The following SMG1 variants were observed in gnomAD, a reference collection of about 807,000 sequenced individuals.
SMG1 encodes SMG1 nonsense mediated mRNA decay associated PI3K related kinase.
In SMG1, 22 loss-of-function variants were observed where a neutral mutation model predicts 419.9. That is an observed-to-expected ratio of 0.05 (90% CI 0.04 to 0.07). SMG1 has a LOEUF of 0.07. Among genes scored for constraint, SMG1 ranks in the 10% least tolerant of loss-of-function variants. SMG1 has a pLI of 1.00. For missense variants in SMG1, 3,185 were observed against 4,342.0 expected, an observed-to-expected ratio of 0.73 and a Z score of 7.49; for synonymous variants, 1,538 against 1,553.5, an observed-to-expected ratio of 0.99 and a Z score of 0.23.
At chr16:18,885,434 T>C in intron 7 of SMG1, 107 bp downstream of exon 7, 1 of 1,374,130 alleles carries the variant, frequency 7.3e-7, no homozygotes, top group Non-Finnish European at 1.0e-6. Flanking sequence ...TATCACTGAT[T>C]ATATTCAAAG....
At chr16:18,911,217 A>G (rs1046696319) in intron 1 of SMG1, 21 of 151,886 alleles carry the variant, frequency 1.4e-4, no homozygotes, top group African/African-American at 4.9e-4. Flanking sequence ...GAAAATGTAG[A>G]AGGAGGGCAG....
chr16:18,881,329 A>C (rs1446626336), intron 10 of SMG1, among the ~76,000 whole-genome samples: 1 of 151,972 alleles, frequency 6.6e-6, no homozygotes, highest in Non-Finnish European at 1.5e-5. Context: ...AAAGATATTA[A>C]ACCATTTTGA....
chr16:18,812,543 A>C (rs887422039), intron 60 of SMG1, among the ~76,000 whole-genome samples: 1 of 151,574 alleles, frequency 6.6e-6, no homozygotes, highest in African/African-American at 2.4e-5. Context: ...AATCTTTGTG[A>C]ACTATTTTAT....
chr16:18,892,617 C>T (rs2036933962), intron 3 of SMG1, among the ~76,000 whole-genome samples: 1 of 152,062 alleles, frequency 6.6e-6, no homozygotes, highest in Non-Finnish European at 1.5e-5. Flanking sequence ...CCTGTAGTCC[C>T]AGCTACTCGG....
intron 55 of SMG1, among the ~76,000 whole-genome samples, chr16:18,821,222 T>TACTCCTGGTTCAAAATA (rs1567322096): frequency 2.0e-5 from 1 of 51,042 alleles, no homozygotes; most frequent in Non-Finnish European, 3.5e-5. Context: ...AGTATGTTTC[T>TACTCCTGGTTCAAAATA]TTTTTTTTTT....
At chr16:18,871,676 C>T (rs554253557) in intron 15 of SMG1, among the ~76,000 whole-genome samples, 194 bp from the exon 16 acceptor site, 60 of 152,208 alleles carry the variant, frequency 3.9e-4, no homozygotes, top group Non-Finnish European at 6.5e-4. Flanking sequence ...AACCTCCCAA[C>T]GCAGCATGAT....
intron 5 of SMG1, among the ~76,000 whole-genome samples, chr16:18,890,248 A>T (rs2036817669): frequency 6.6e-6 from 1 of 152,244 alleles, no homozygotes; most frequent in African/African-American, 2.4e-5. Context: ...TCTAGTTTAC[A>T]AAAACTAATT....
At chr16:18,815,102 T>C in intron 60 of SMG1, 73 bp downstream of exon 60, 2 of 929,350 alleles carry the variant, frequency 2.2e-6, no homozygotes, top group Non-Finnish European at 3.4e-6. Flanking sequence ...ATTAGACAGT[T>C]ATGTATAATT....
Position 18,836,475 on chromosome 16 carries a change from C to T in SMG1, c.7662G>A (p.Gln2554=). Residue 2554 remains glutamine (Q), a synonymous_variant, in exon 47 of 63, where the codon CAG becomes CAA. Coordinates refer to ENST00000446231, the MANE Select transcript of SMG1 (RefSeq NM_015092.5). Reference sequence around the variant, plus strand: ...ATTGTTCAAATTCATTCAGCTTCACCTGGATTGCTTCCTGAACAGCTCTTT... The same window carrying T: ...ATTGTTCAAATTCATTCAGCTTCACTTGGATTGCTTCCTGAACAGCTCTTT... ...TQQRAVQEAI[Q]VKLNEFEQWI... 3 of 1,614,042 alleles carry T rather than the reference C, an allele frequency of 1.9e-6. No individual in the cohort carries two copies. Among genetic ancestry groups the T allele is most frequent in the Non-Finnish European group, 1.7e-6 (2 of 1,179,902 alleles).
intron 41 of SMG1, 97 bp downstream of exon 41, chr16:18,841,468 C>A: frequency 1.3e-5 from 13 of 965,972 alleles, no homozygotes; most frequent in Non-Finnish European, 1.6e-5. Flanking sequence ...CCTTCTTTAA[C>A]TGCTTATAAA....
intron 1 of SMG1, among the ~76,000 whole-genome samples, chr16:18,905,607 TTCA>T (rs201095402): frequency 0.014 from 1,900 of 132,860 alleles, 50 homozygotes; most frequent in African/African-American, 0.046. Context: ...CTCCTCCTTC[TTCA>T]TTTCATTTTT....
intron 22 of SMG1, among the ~76,000 whole-genome samples, 191 bp from the exon 23 acceptor site, chr16:18,866,966 A>G (rs2141551870): frequency 6.6e-6 from 1 of 152,352 alleles, no homozygotes; most frequent in African/African-American, 2.4e-5. Flanking sequence ...GGTGACTAAC[A>G]GAACCTTAGC....
At chr16:18,882,047 C>T (rs2036422535) in intron 10 of SMG1, 118 bp downstream of exon 10, 4 of 639,876 alleles carry the variant, frequency 6.3e-6, no homozygotes, top group East Asian at 2.9e-5. Flanking sequence ...TATATACATA[C>T]ATACATACAT....
rs2032999387 is a variant in SMG1 at position 18,829,325 on chromosome 16, T to G, written c.9564A>C (p.Thr3188=). Residue 3188 remains threonine, a synonymous_variant, in exon 54 of 63, where the codon ACA becomes ACC. Transcript: ENST00000446231. ...TATGCAGCTGAACCCGCTGCAGGCT[T>G]GTCTTACAAGAAGAAATACTGGTTT... The part of the protein sequence containing the change: ...RLETSISSCK[T]SLQRVQLHIA... The G allele has an allele frequency of 6.2e-7, 1 of 1,613,920 alleles. No individual in the cohort carries two copies. The highest frequency in any genetic ancestry group is 8.5e-7 in the Non-Finnish European group (1 of 1,179,830).
rs1258778685 is a variant in SMG1, at chr16:18,839,830, G to A, written c.6813C>T (p.Ser2271=). The change falls in exon 42 of 63, where the codon TCC becomes TCT. Residue 2271 remains serine (S), a synonymous_variant. Coordinates refer to ENST00000446231, the MANE Select transcript of SMG1 (RefSeq NM_015092.5). The stretch of plus-strand genomic sequence containing the variant: ...TTACATGAAGAGGCCAATCCCGACG[G>A]GACACATCCAGGCTAAGCCCAACTG... The part of the protein sequence containing the change: ...LKTVGLSLDV[S]RRDWPLHVMK... The A allele has an allele frequency of 1.2e-6, 2 of 1,613,844 alleles. No homozygotes were observed. Among genetic ancestry groups the A allele is most frequent in the South Asian group, 2.2e-5 (2 of 91,072 alleles).
chr16:18,900,687 A>C (rs559328783), intron 1 of SMG1, among the ~76,000 whole-genome samples: 22 of 152,348 alleles, frequency 1.4e-4, no homozygotes, highest in Admixed American at 1.2e-3. Flanking sequence ...CTAATTTATA[A>C]TGGATATAAA....
intron 7 of SMG1, 104 bp from the exon 8 acceptor site, chr16:18,885,266 T>G: frequency 1.5e-6 from 1 of 651,996 alleles, no homozygotes. Flanking sequence ...GCATCTATGT[T>G]CTACCTACTT....
At position 18,819,590 on chromosome 16, in the gene SMG1, G is replaced by A; in HGVS notation, c.9806C>T (p.Pro3269Leu). 6.3e-7 allele frequency: 1 copy of A among 1,597,386 alleles called. No homozygotes were observed. The highest frequency in any genetic ancestry group is 8.5e-7 in the Non-Finnish European group (1 of 1,171,386). Residue 3269 changes from proline to leucine, a missense_variant, in exon 56 of 63, where the codon CCT becomes CTT. This residue lies in a region of SMG1 where 737 missense variants were observed against 846.6 expected (regional missense o/e 0.87). Coordinates refer to ENST00000446231, the MANE Select transcript of SMG1 (RefSeq NM_015092.5). ...QRLKWAGGANPALAPVLQDFE... is the reference protein window; with the variant it reads ...QRLKWAGGANLALAPVLQDFE... ...ATCTTGTAGTACAGGGGCCAATGCA[G>A]GGTTGGCACCACCTGCCCACTTGAG...
chr16:18,879,182 C>T (rs2036277005), intron 11 of SMG1: 4 of 389,742 alleles, frequency 1.0e-5, no homozygotes, highest in Non-Finnish European at 2.0e-5. Context: ...GTGGCACAAT[C>T]AGAGCTCTCT....
Sources: allele counts gnomAD v4.1 joint callset (sites outside exome capture counted in the v4.1 genomes callset), GRCh38; gene constraint gnomAD v4.1.1; regional missense constraint gnomAD v4.1.1; transcripts MANE v1.5; gene names NCBI Gene and HGNC (gene_info 2026-07-23, HGNC 2026-07-21).